ATM: variants seen among roughly 807,000 people sequenced by gnomAD.
ATM encodes ATM serine/threonine kinase, also known as serine-protein kinase ATM.
A neutral mutation model predicts 387.0 loss-of-function variants in ATM; 308 were observed. The observed-to-expected ratio is 0.80, with a 90% confidence interval of 0.73 to 0.87. ATM has a LOEUF of 0.87. Among genes scored for constraint, ATM ranks in the 40% least tolerant of loss-of-function variants. The pLI is 0.00. For missense variants in ATM, 3,312 were observed against 3,560.9 expected, an observed-to-expected ratio of 0.93 and a Z score of 1.78; for synonymous variants, 1,156 against 1,187.3, an observed-to-expected ratio of 0.97 and a Z score of 0.54.
intron 60 of ATM, among the ~76,000 whole-genome samples, chr11:108,354,248 A>G (rs1458736781): frequency 6.6e-6 from 1 of 152,168 alleles, no homozygotes; most frequent in African/African-American, 2.4e-5. Flanking sequence ...CCCATGTAAC[A>G]TACATACTGT....
In ATM at chr11:108,253,960, T is replaced by G. The variant is rs1406284360; in HGVS notation, c.2045T>G (p.Val682Gly). 1 of 1,614,090 alleles carries G rather than the reference T, an allele frequency of 6.2e-7. No individual in the cohort carries two copies. The highest frequency in any genetic ancestry group is 2.2e-5 in the East Asian group (1 of 44,846). ...CACCAGTCCAGTATTGGCTTCTCTG[T>G]CCACCAGAATCTCAAGGAATCACTG... ...EKHQSSIGFSVHQNLKESLDR... is the reference protein window; with the variant it reads ...EKHQSSIGFSGHQNLKESLDR... Residue 682 changes from valine (V) to glycine (G), a missense_variant, in exon 13 of 63, where the codon GTC becomes GGC. Physicochemically the swap from Val to Gly is moderately radical, Grantham distance 109. Around this residue, in one of 4 missense-constraint regions of ATM, gnomAD observed 1,791 missense variants for 1,804.5 expected, o/e 0.99. Coordinates refer to ENST00000675843, the MANE Select transcript of ATM (RefSeq NM_000051.4).
At chr11:108,246,640 A>G (rs1381518867) in intron 7 of ATM, among the ~76,000 whole-genome samples, 1 of 152,250 alleles carries the variant, frequency 6.6e-6, no homozygotes, top group East Asian at 1.9e-4. Flanking sequence ...AGAAAAAGGC[A>G]TACGGAGAAC....
In ATM at chr11:108,268,379, CTTAGTG is replaced by C. The variant is rs4987971; in HGVS notation, c.2639-27_2639-22del. The C allele has an allele frequency of 1.7e-3, 2,683 of 1,602,764 alleles. 39 individuals carry two copies. In the African/African-American group the frequency reaches 0.031, roughly 18 times the overall value. ...CTATATATGGCTGTTGTGCCCTTCT[CTTAGTG>C]TTAATGAGTGCTTTTTATTTTTAGG... On this transcript the variant is annotated intron_variant, in intron 17 of 62. Coordinates refer to ENST00000675843, the MANE Select transcript of ATM (RefSeq NM_000051.4).
chr11:108,236,657 A>G (rs2079294746), intron 5 of ATM: 1 of 152,284 alleles, frequency 6.6e-6, no homozygotes, highest in Admixed American at 6.5e-5. Context: ...TTAGCACGCT[A>G]CTTCTAAGGT....
At chr11:108,236,801 G>A (rs2079302119) in intron 5 of ATM, among the ~76,000 whole-genome samples, 1 of 152,152 alleles carries the variant, frequency 6.6e-6, no homozygotes, top group Non-Finnish European at 1.5e-5. Flanking sequence ...GAGGTACTGA[G>A]AGACCACAAA....
intron 16 of ATM, 115 bp downstream of exon 16, chr11:108,259,190 T>C: frequency 2.1e-6 from 2 of 961,204 alleles, no homozygotes; most frequent in Admixed American, 2.0e-5. Context: ...TTAACATTTT[T>C]ACAAATGTGG....
intron 16 of ATM, among the ~76,000 whole-genome samples, chr11:108,263,182 A>AT (rs1231002004): frequency 5.6e-5 from 8 of 143,046 alleles, no homozygotes; most frequent in South Asian, 2.3e-4. Context: ...CAGAATATAC[A>AT]TTTTTTTCAG....
chr11:108,293,991 A>C (rs1256918132), intron 31 of ATM, among the ~76,000 whole-genome samples: 1 of 150,584 alleles, frequency 6.6e-6, no homozygotes, highest in African/African-American at 2.4e-5. Flanking sequence ...TAAAAAAATG[A>C]ATCTTAATGT....
chr11:108,325,227 C>T (rs1449154961), intron 45 of ATM, 83 bp from the exon 46 acceptor site: 1 of 914,744 alleles, frequency 1.1e-6, no homozygotes, highest in South Asian at 1.5e-5. Context: ...AATATTATAT[C>T]GTAAGTTCCA....
intron 23 of ATM, 24 bp downstream of exon 23, chr11:108,279,632 G>T: frequency 1.3e-6 from 2 of 1,539,372 alleles, no homozygotes; most frequent in Non-Finnish European, 1.8e-6. Flanking sequence ...ACATGTATTT[G>T]CTGTTATCAT....
chr11:108,239,794 T>C (rs2079469868), intron 5 of ATM, among the ~76,000 whole-genome samples: 2 of 152,200 alleles, frequency 1.3e-5, no homozygotes, highest in Non-Finnish European at 2.9e-5. Context: ...ACATTCTCAC[T>C]AGCACAACTA....
At chr11:108,243,638 T>C (rs1284126670) in intron 5 of ATM, among the ~76,000 whole-genome samples, 1 of 152,062 alleles carries the variant, frequency 6.6e-6, no homozygotes, top group Non-Finnish European at 1.5e-5. Flanking sequence ...GAAAAACCCA[T>C]GGAGCATGTA....
intron 5 of ATM, among the ~76,000 whole-genome samples, chr11:108,239,920 A>G (rs529341078): frequency 9.0e-4 from 137 of 152,182 alleles, no homozygotes; most frequent in Non-Finnish European, 1.6e-3. Flanking sequence ...TACACTGTCA[A>G]TTATTCAGTT....
intron 13 of ATM, 143 bp downstream of exon 13, chr11:108,254,182 A>T: frequency 1.4e-6 from 1 of 700,828 alleles, no homozygotes; most frequent in South Asian, 1.8e-5. Context: ...AGGGCTCTAA[A>T]TTGGACAACT....
rs587781946 is a variant in ATM, at chr11:108,335,880, A to C, written c.8187A>C (p.Gln2729His). Residue 2729 changes from glutamine to histidine, a missense_variant, in exon 56 of 63, where the codon CAA (glutamine) becomes CAC (histidine). Transcript: ENST00000675843. ...ACCTGAGACAAGATGCTGTCATGCA[A>C]CAGGTCTTCCAGATGTGTAATACAT... ...RDDLRQDAVMQQVFQMCNTLL... is the reference protein window; with the variant it reads ...RDDLRQDAVMHQVFQMCNTLL... The C allele has an allele frequency of 8.7e-6, 14 of 1,614,070 alleles. No homozygotes were observed. Among genetic ancestry groups the C allele is most frequent in the Non-Finnish European group, 1.2e-5 (14 of 1,179,962 alleles).
At chr11:108,288,580 A>G (rs1231551992) in intron 27 of ATM, among the ~76,000 whole-genome samples, 2 of 150,362 alleles carry the variant, frequency 1.3e-5, no homozygotes, top group Admixed American at 6.6e-5. Context: ...GTACTTTCAC[A>G]TATGTAATTT....
At chr11:108,319,373 A>G (rs1193962566) in intron 43 of ATM, among the ~76,000 whole-genome samples, 3 of 151,996 alleles carry the variant, frequency 2.0e-5, no homozygotes, top group Admixed American at 6.6e-5. Context: ...TTTTCTTGTC[A>G]GGCCAAGCTG....
At chr11:108,284,033 T>G (rs1044210869) in intron 25 of ATM, among the ~76,000 whole-genome samples, 194 bp from the exon 26 acceptor site, 3 of 152,178 alleles carry the variant, frequency 2.0e-5, no homozygotes, top group Admixed American at 1.3e-4. Context: ...GTTCTAAGCT[T>G]TCTAATTTTT....
At chr11:108,241,407 G>A (rs188701853) in intron 5 of ATM, among the ~76,000 whole-genome samples, 8 of 152,286 alleles carry the variant, frequency 5.3e-5, no homozygotes, top group Middle Eastern at 3.4e-3. Flanking sequence ...CAAGGTTTAT[G>A]TACTATACAT....
Sources: gnomAD v4.1 joint callset for allele counts (sites outside exome capture counted in the v4.1 genomes callset) on GRCh38, gnomAD v4.1.1 for gene constraint, gnomAD v4.1.1 regional missense constraint, MANE v1.5 for transcripts, NCBI Gene and HGNC (gene_info 2026-07-23, HGNC 2026-07-21) for gene names.